Variants in FOXN3 observed in about 807,000 individuals in gnomAD.
The protein encoded by FOXN3 is forkhead box N3, also known as forkhead box protein N3.
FOXN3 carries 7 observed loss-of-function variants against 38.4 expected under a neutral mutation model. The observed-to-expected ratio is 0.18, with a 90% confidence interval of 0.10 to 0.34. FOXN3 has a LOEUF of 0.34. Among genes scored for constraint, FOXN3 ranks in the 10% least tolerant of loss-of-function variants. FOXN3 has a pLI of 1.00. For missense variants in FOXN3, 456 were observed against 613.4 expected (o/e 0.74, Z 2.71); for synonymous variants, 230 against 242.2 (o/e 0.95, Z 0.47).
intron 3 of FOXN3, among the ~76,000 whole-genome samples, chr14:89,342,152 A>G (rs1263167708): frequency 6.6e-6 from 1 of 152,236 alleles, no homozygotes; most frequent in Non-Finnish European, 1.5e-5. Context: ...AGGAGGTCAG[A>G]AGATAAAAAG....
At chr14:89,545,930 A>C (rs1894872991) in intron 1 of FOXN3, among the ~76,000 whole-genome samples, 1 of 152,138 alleles carries the variant, frequency 6.6e-6, no homozygotes, top group Admixed American at 6.5e-5. Flanking sequence ...TTCTTTGCCT[A>C]TTACTTTCCT....
At chr14:89,597,370 T>C (rs1896078195) in intron 1 of FOXN3, among the ~76,000 whole-genome samples, 1 of 152,208 alleles carries the variant, frequency 6.6e-6, no homozygotes, top group Admixed American at 6.5e-5. Context: ...AAGAGTTGCT[T>C]TATGACTCAC....
At chr14:89,498,787 C>A (rs377177513) in intron 1 of FOXN3, among the ~76,000 whole-genome samples, 3 of 91,870 alleles carry the variant, frequency 3.3e-5, no homozygotes, top group East Asian at 6.0e-4. Context: ...GGGCTGCACA[C>A]AGAGGGCGGG....
chr14:89,185,860 CAG>C (rs1414492768), intron 4 of FOXN3: 1 of 152,236 alleles, frequency 6.6e-6, no homozygotes, highest in Non-Finnish European at 1.5e-5. Context: ...GAGAGCCAAA[CAG>C]AGCAGCACTG....
intron 1 of FOXN3, among the ~76,000 whole-genome samples, chr14:89,612,837 A>T (rs956623970): frequency 6.7e-6 from 1 of 149,476 alleles, no homozygotes; most frequent in South Asian, 2.1e-4. Flanking sequence ...AAAAAAAAAA[A>T]GTCCGGACAC....
intron 1 of FOXN3, among the ~76,000 whole-genome samples, chr14:89,533,232 C>A (rs1167300636): frequency 6.6e-6 from 1 of 152,156 alleles, no homozygotes; most frequent in East Asian, 1.9e-4. Context: ...CTTGTTCCAT[C>A]CCGTCTTTCC....
At chr14:89,551,330 C>T (rs1895001860) in intron 1 of FOXN3, among the ~76,000 whole-genome samples, 1 of 152,184 alleles carries the variant, frequency 6.6e-6, no homozygotes, top group Non-Finnish European at 1.5e-5. Flanking sequence ...TCTGCACAAT[C>T]AGATCAGTTT....
intron 4 of FOXN3, among the ~76,000 whole-genome samples, chr14:89,242,284 A>C (rs941334918): frequency 3.3e-5 from 5 of 149,860 alleles, no homozygotes; most frequent in African/African-American, 1.2e-4. Context: ...AGAGACCCAC[A>C]GTACTTCCTC....
Position 89,163,083 on chromosome 14 carries a change from T to A in FOXN3, c.852-114A>T. Reference sequence around the variant, plus strand: ...GCATTCAACCATCAGTCCCTTTGTGTTCAATGGAGCCACTCGCAAACTGTG... The same window carrying A: ...GCATTCAACCATCAGTCCCTTTGTGATCAATGGAGCCACTCGCAAACTGTG... On this transcript the variant is annotated intron_variant, in intron 5 of 5. Coordinates refer to ENST00000557258, the MANE Select transcript of FOXN3 (RefSeq NM_005197.4). This position sits in a 1 kb window ranked among gnomAD's most constrained non-coding sequence, Gnocchi z 4.3. The A allele has an allele frequency of 9.9e-7, 1 of 1,014,336 alleles. No homozygotes were observed. Among genetic ancestry groups the A allele is most frequent in the Non-Finnish European group, 1.4e-6 (1 of 732,532 alleles). 62.8% of individuals were successfully genotyped at this position (1,014,336 alleles called of 1,614,324 possible). A position where few individuals can be genotyped will look rare whatever the true frequency, so the allele number is the denominator to read the frequency against.
intron 1 of FOXN3, among the ~76,000 whole-genome samples, chr14:89,523,015 G>T (rs956592704): frequency 1.3e-5 from 2 of 151,352 alleles, no homozygotes; most frequent in Non-Finnish European, 2.9e-5. Context: ...AAAAGCAAAA[G>T]GATCGAAGAA....
chr14:89,441,369 T>A (rs56373669), intron 1 of FOXN3, among the ~76,000 whole-genome samples: 187 of 152,264 alleles, frequency 1.2e-3, no homozygotes, highest in African/African-American at 4.3e-3. Context: ...ACCTGCTAAA[T>A]TTTTCATACC....
intron 2 of FOXN3, among the ~76,000 whole-genome samples, chr14:89,392,216 C>A (rs1411540155): frequency 6.6e-6 from 1 of 152,200 alleles, no homozygotes; most frequent in Non-Finnish European, 1.5e-5. Flanking sequence ...GCCCCCACTG[C>A]GTGGCTGTGA....
Position 89,239,698 on chromosome 14 carries a change from C to T in FOXN3, c.745+41252G>A, listed in dbSNP as rs116320787. Among the ~76,000 whole-genome samples, 680 of 152,248 alleles carry T rather than the reference C, an allele frequency of 4.5e-3. 7 individuals are homozygous for T. The highest frequency in any genetic ancestry group is 0.016 in the African/African-American group (660 of 41,544). On this transcript the variant is annotated intron_variant, in intron 4 of 5. Transcript: ENST00000557258. ...CTTAGCCCATGCCTCTACTGTCAATCGTTTTATTTATGGTGATGATAATAA... is the reference window on the plus strand; with the variant it reads ...CTTAGCCCATGCCTCTACTGTCAATTGTTTTATTTATGGTGATGATAATAA...
At chr14:89,493,510 T>TA (rs1893622208) in intron 1 of FOXN3, among the ~76,000 whole-genome samples, 1 of 152,150 alleles carries the variant, frequency 6.6e-6, no homozygotes, top group African/African-American at 2.4e-5. Context: ...CATATAAGGT[T>TA]ACAATGTGGC....
At chr14:89,408,544 G>A (rs999541362) in intron 2 of FOXN3, among the ~76,000 whole-genome samples, 3 of 150,144 alleles carry the variant, frequency 2.0e-5, no homozygotes, top group Non-Finnish European at 3.0e-5. Context: ...GTGAGTCACC[G>A]TGCCCGGCTG....
chr14:89,242,633 G>A (rs553765751), intron 4 of FOXN3, among the ~76,000 whole-genome samples: 77 of 152,120 alleles, frequency 5.1e-4, no homozygotes, highest in South Asian at 6.2e-4. Context: ...TAATCATCAC[G>A]GGATATGCAG....
intron 1 of FOXN3, among the ~76,000 whole-genome samples, chr14:89,527,761 G>A (rs938481123): frequency 6.6e-6 from 1 of 151,132 alleles, no homozygotes. Context: ...GAGTGCAGTG[G>A]TGTGATCTCA....
chr14:89,454,514 G>A (rs1892682124), intron 1 of FOXN3, among the ~76,000 whole-genome samples: 2 of 152,220 alleles, frequency 1.3e-5, no homozygotes, highest in South Asian at 4.1e-4. Context: ...GTAAAAAGAT[G>A]CATGTATAAG....
At chr14:89,440,850 G>A (rs1398800480) in intron 1 of FOXN3, among the ~76,000 whole-genome samples, 1 of 152,172 alleles carries the variant, frequency 6.6e-6, no homozygotes, top group African/African-American at 2.4e-5. Context: ...CTGTCAATGG[G>A]CAACAGTGGG....
Sources: allele counts gnomAD v4.1 joint callset (sites outside exome capture counted in the v4.1 genomes callset), GRCh38; gene constraint gnomAD v4.1.1; non-coding constraint Gnocchi (gnomAD v3.1); transcripts MANE v1.5; gene names NCBI Gene and HGNC (gene_info 2026-07-23, HGNC 2026-07-21).